The following TLN2 variants were observed in gnomAD, a reference collection of about 807,000 sequenced individuals.
TLN2 encodes talin 2, also known as talin-2.
TLN2 carries 118 observed loss-of-function variants against 294.7 expected under a neutral mutation model. The ratio of observed to expected loss-of-function variants is 0.40; its 90% CI spans 0.34 to 0.47. TLN2 has a LOEUF of 0.47. Ranked by LOEUF, TLN2 falls within the 20% of genes least tolerant of loss-of-function variation. TLN2 has a pLI of 0.84. For synonymous variants in TLN2, 1,431 were observed against 1,304.5 expected (o/e 1.10, Z -2.09); for missense variants, 3,083 against 3,282.2 (o/e 0.94, Z 1.48).
chr15:62,507,564 A>C (rs997010145), intron 1 of TLN2, among the ~76,000 whole-genome samples: 7 of 152,240 alleles, frequency 4.6e-5, no homozygotes, highest in African/African-American at 1.7e-4. Context: ...GGTGGGGGTA[A>C]AATGCAGAGT....
At chr15:62,444,828 A>G (rs913298102) in intron 1 of TLN2, among the ~76,000 whole-genome samples, 24 of 152,298 alleles carry the variant, frequency 1.6e-4, no homozygotes, top group Middle Eastern at 3.4e-3. Flanking sequence ...AGCTGCTGCT[A>G]GGGTGCATAT....
Position 62,395,802 on chromosome 15 carries a change from CAT to C in TLN2, c.-238+5120_-238+5121del, listed in dbSNP as rs2032495846. The stretch of plus-strand genomic sequence containing the variant: ...AAAATAAAAGCTAGTTGCAGAGTAT[CAT>C]ATGTATGTTGCATGACCGTATTTCT... On this transcript the variant is annotated intron_variant, in intron 1 of 58. Coordinates refer to ENST00000636159, the MANE Select transcript of TLN2 (RefSeq NM_015059.3). Among the ~76,000 whole-genome samples the C allele has an allele frequency of 2.0e-5, 3 of 152,042 alleles. No individual in the cohort carries two copies. In the South Asian group the frequency reaches 6.2e-4, roughly 32 times the overall value.
intron 58 of TLN2, among the ~76,000 whole-genome samples, chr15:62,839,938 C>T (rs2070414910): frequency 6.6e-6 from 1 of 152,178 alleles, no homozygotes; most frequent in Non-Finnish European, 1.5e-5. Flanking sequence ...TTTTTGAACA[C>T]AACTTTCCCT....
At chr15:62,503,911 G>A (rs1382246658) in intron 1 of TLN2, among the ~76,000 whole-genome samples, 1 of 152,080 alleles carries the variant, frequency 6.6e-6, no homozygotes, top group Admixed American at 6.5e-5. Context: ...TCAGTGAACT[G>A]TACAGTATCA....
At chr15:62,523,233 C>T (rs2040562143) in intron 1 of TLN2, among the ~76,000 whole-genome samples, 1 of 152,120 alleles carries the variant, frequency 6.6e-6, no homozygotes. Flanking sequence ...TTAAACTGGG[C>T]AATTAAGTTG....
intron 37 of TLN2, among the ~76,000 whole-genome samples, chr15:62,757,368 A>C (rs1403962173): frequency 1.3e-5 from 2 of 152,220 alleles, no homozygotes; most frequent in Non-Finnish European, 2.9e-5. Context: ...GGGTGGAAAG[A>C]GCGATAGAGT....
intron 1 of TLN2, among the ~76,000 whole-genome samples, chr15:62,572,906 C>G (rs934233584): frequency 2.6e-5 from 4 of 152,170 alleles, no homozygotes; most frequent in African/African-American, 9.7e-5. Flanking sequence ...GCCCCCATGG[C>G]TCCTCCCAGC....
intron 1 of TLN2, among the ~76,000 whole-genome samples, chr15:62,451,243 T>C (rs1313668519): frequency 1.3e-5 from 2 of 152,102 alleles, no homozygotes; most frequent in African/African-American, 4.8e-5. Context: ...GCTAGCCCCA[T>C]GTGTCTGCAG....
chr15:62,776,061 T>C (rs2063701306), intron 42 of TLN2, among the ~76,000 whole-genome samples: 1 of 152,214 alleles, frequency 6.6e-6, no homozygotes, highest in Admixed American at 6.5e-5. Context: ...TCCCCCTGCA[T>C]CTTGCTGCTA....
At chr15:62,623,183 G>A (rs1385756714) in intron 3 of TLN2, among the ~76,000 whole-genome samples, 1 of 152,222 alleles carries the variant, frequency 6.6e-6, no homozygotes, top group African/African-American at 2.4e-5. Flanking sequence ...AAACATTACT[G>A]TATCCGTATA....
intron 1 of TLN2, among the ~76,000 whole-genome samples, chr15:62,557,690 C>T (rs1379268810): frequency 5.9e-5 from 9 of 152,222 alleles, no homozygotes; most frequent in South Asian, 2.1e-4. Flanking sequence ...TACAGGCACC[C>T]GCCACCACAC....
At chr15:62,656,454 C>A (rs560932254) in intron 8 of TLN2, among the ~76,000 whole-genome samples, 7 of 152,326 alleles carry the variant, frequency 4.6e-5, no homozygotes, top group African/African-American at 1.7e-4. Context: ...GGTCAGAAAT[C>A]AGGACTCTCA....
At chr15:62,704,463 TGTTA>T (rs1443912167) in intron 19 of TLN2, among the ~76,000 whole-genome samples, 1 of 152,216 alleles carries the variant, frequency 6.6e-6, no homozygotes, top group Non-Finnish European at 1.5e-5. Flanking sequence ...GCATAAGATG[TGTTA>T]GTTAAACGAA....
chr15:62,572,692 C>G (rs2043988815), intron 1 of TLN2, among the ~76,000 whole-genome samples: 1 of 152,348 alleles, frequency 6.6e-6, no homozygotes, highest in East Asian at 1.9e-4. Context: ...CTTCCTGACA[C>G]TTTCTTTGCA....
At chr15:62,779,380 AAAAC>A (rs1411644222) in intron 43 of TLN2, among the ~76,000 whole-genome samples, 11 of 151,622 alleles carry the variant, frequency 7.3e-5, no homozygotes, top group African/African-American at 2.7e-4. Context: ...AAATTAAACA[AAAAC>A]AAACAAAAAC....
chr15:62,544,726 C>CTT lies in TLN2; in HGVS notation c.-237-44948_-237-44947dup, dbSNP rs11424816. On this transcript the variant is annotated intron_variant, in intron 1 of 58. Coordinates refer to ENST00000636159, the MANE Select transcript of TLN2 (RefSeq NM_015059.3). ...TTAAAAGCAAGTGGGAGTAGAAAAG[C>CTT]TTTTTTTTTTTTTTCTTCCCCCCCT... Among the ~76,000 whole-genome samples the CTT allele has an allele frequency of 1.4e-3, 198 of 144,870 alleles. 1 individual carries two copies. The highest frequency in any genetic ancestry group is 8.3e-3 in the East Asian group (41 of 4,946).
intron 32 of TLN2, among the ~76,000 whole-genome samples, chr15:62,742,768 G>A (rs925466523): frequency 2.6e-5 from 4 of 152,316 alleles, no homozygotes; most frequent in African/African-American, 4.8e-5. Context: ...GAACTGTTGC[G>A]AGAAAACGCT....
intron 51 of TLN2, among the ~76,000 whole-genome samples, chr15:62,808,988 G>C (rs1310190187): frequency 1.3e-5 from 2 of 152,324 alleles, no homozygotes; most frequent in Admixed American, 6.5e-5. Flanking sequence ...TTTGCCCTCA[G>C]CTTTTACCTT....
intron 3 of TLN2, among the ~76,000 whole-genome samples, chr15:62,630,167 T>A (rs140523216): frequency 6.6e-6 from 1 of 152,140 alleles, no homozygotes; most frequent in South Asian, 2.1e-4. Flanking sequence ...CAACTAATCA[T>A]CATTTTTGCT....
Sources: gnomAD v4.1 joint callset for allele counts (sites outside exome capture counted in the v4.1 genomes callset) on GRCh38, gnomAD v4.1.1 for gene constraint, MANE v1.5 for transcripts, NCBI Gene and HGNC (gene_info 2026-07-23, HGNC 2026-07-21) for gene names.